ST3GAL2: variants seen among roughly 807,000 people sequenced by gnomAD.
ST3GAL2 encodes ST3 beta-galactoside alpha-2,3-sialyltransferase 2, also known as CMP-N-acetylneuraminate-beta-galactosamide-alpha-2,3-sialyltransferase 2.
Under a neutral mutation model 37.5 loss-of-function variants are expected in ST3GAL2, and 16 were observed. The ratio of observed to expected loss-of-function variants is 0.43; its 90% CI spans 0.29 to 0.65. The LOEUF is 0.65. Ranked by LOEUF, ST3GAL2 falls within the 30% of genes least tolerant of loss-of-function variation. The pLI, the probability that ST3GAL2 is intolerant of heterozygous loss-of-function variation, is 0.17. For missense variants in ST3GAL2, 383 were observed against 487.8 expected, an observed-to-expected ratio of 0.79 and a Z score of 2.02; for synonymous variants, 238 against 202.9, an observed-to-expected ratio of 1.17 and a Z score of -1.47.
At chr16:70,390,509 C>A (rs1220799465) in intron 3 of ST3GAL2, among the ~76,000 whole-genome samples, 4 of 152,216 alleles carry the variant, frequency 2.6e-5, no homozygotes, top group African/African-American at 9.6e-5. Flanking sequence ...GGCCCTGGGC[C>A]GGATGGAAGC....
chr16:70,415,267 C>T (rs1301685298), intron 1 of ST3GAL2, among the ~76,000 whole-genome samples: 1 of 151,962 alleles, frequency 6.6e-6, no homozygotes, highest in African/African-American at 2.4e-5. Context: ...CCCAGGACCA[C>T]CCCCCCGCCA....
At chr16:70,433,502 C>T (rs1281663124) in intron 1 of ST3GAL2, among the ~76,000 whole-genome samples, 2 of 152,140 alleles carry the variant, frequency 1.3e-5, no homozygotes, top group Non-Finnish European at 2.9e-5. Context: ...TGCGAGGGAA[C>T]TGCCCAACAT....
chr16:70,405,011 G>A (rs765863912), intron 1 of ST3GAL2, among the ~76,000 whole-genome samples: 84 of 141,732 alleles, frequency 5.9e-4, no homozygotes, highest in Middle Eastern at 4.0e-3. Context: ...CCAGCCTGGC[G>A]ACAGAGTGAG....
chr16:70,418,598 C>T (rs968463636), intron 1 of ST3GAL2, among the ~76,000 whole-genome samples: 1 of 152,190 alleles, frequency 6.6e-6, no homozygotes, highest in African/African-American at 2.4e-5. Context: ...AGCAGGACCA[C>T]GCTCCCTGCC....
In ST3GAL2 at chr16:70,377,195, A is replaced by AAC. The variant is rs897034690; in HGVS notation, c.*4493_*4494insGT. The AAC allele has an allele frequency of 1.3e-5, 2 of 150,118 alleles. No homozygotes were observed. The highest frequency in any genetic ancestry group is 4.9e-5 in the African/African-American group (2 of 40,826). 9.3% of individuals were successfully genotyped at this position (150,118 alleles called of 1,614,324 possible). A position where few individuals can be genotyped will look rare whatever the true frequency, so the allele number is the denominator to read the frequency against. On this transcript the variant is annotated 3_prime_UTR_variant, in exon 7 of 7. Transcript: ENST00000342907. ...CTGTCTCTTAAAAAAAAAAAAAAAAAAAAAAAAAGGGTCTGGTGGCTCACG... is the reference window on the plus strand; with the variant it reads ...CTGTCTCTTAAAAAAAAAAAAAAAAAACAAAAAAAAGGGTCTGGTGGCTCACG...
Position 70,398,820 on chromosome 16 carries a change from C to T in ST3GAL2, c.-290G>A, listed in dbSNP as rs946221051. The T allele has an allele frequency of 1.8e-6, 1 of 564,754 alleles. No homozygotes were observed. The allele number at this position is 564,754 out of a possible 1,614,324, so 35.0% of individuals were successfully genotyped here. On this transcript the variant is annotated 5_prime_UTR_variant, in exon 2 of 7. The change creates a new upstream start codon in the 5' untranslated region. Coordinates refer to ENST00000342907, the MANE Select transcript of ST3GAL2 (RefSeq NM_006927.4). ...CACAGAGGCTCTGCCTCTCCTGCCA[C>T]CCTGGTGAGGGGGAGGTCAGTCCAT... is the stretch of plus-strand genomic sequence containing the variant.
chr16:70,378,239 C>T lies in ST3GAL2; in HGVS notation c.*3450G>A, dbSNP rs2151652739. 6.6e-6 allele frequency: 1 copy of T among 152,062 alleles called. No individual in the cohort carries two copies. Among genetic ancestry groups the T allele is most frequent in the Non-Finnish European group, 1.5e-5 (1 of 68,026 alleles). The allele number at this position is 152,062 out of a possible 1,614,324, so 9.4% of individuals were successfully genotyped here. A position where few individuals can be genotyped will look rare whatever the true frequency, so the allele number is the denominator to read the frequency against. ...ACCAGCCTGGCCAACATGGTGAAAC[C>T]CCGTCTCTACTAAAAATACAAAAAT... On this transcript the variant is annotated 3_prime_UTR_variant, in exon 7 of 7. Transcript: ENST00000342907.
At chr16:70,433,987 C>T (rs774215318) in intron 1 of ST3GAL2, among the ~76,000 whole-genome samples, 3 of 152,220 alleles carry the variant, frequency 2.0e-5, no homozygotes, top group Non-Finnish European at 2.9e-5. Flanking sequence ...TCCCAAATGC[C>T]TTTTCTGAGC....
chr16:70,391,310 A>T (rs2151660248), intron 3 of ST3GAL2, among the ~76,000 whole-genome samples: 2 of 152,298 alleles, frequency 1.3e-5, no homozygotes, highest in Middle Eastern at 6.8e-3. Context: ...AGCTGGCTTC[A>T]AGCAGATGCC....
chr16:70,408,763 T>A (rs1332458882), intron 1 of ST3GAL2, among the ~76,000 whole-genome samples: 1 of 151,448 alleles, frequency 6.6e-6, no homozygotes, highest in Non-Finnish European at 1.5e-5. Context: ...CTAACACACT[T>A]CTTCAAACCA....
chr16:70,428,822 C>T (rs1168328630), intron 1 of ST3GAL2, among the ~76,000 whole-genome samples: 1 of 152,194 alleles, frequency 6.6e-6, no homozygotes, highest in Non-Finnish European at 1.5e-5. Flanking sequence ...GTGCGGCTGA[C>T]CCAGCGCCTC....
Position 70,381,799 on chromosome 16 carries a change from G to C in ST3GAL2, c.943C>G (p.Arg315Gly). The C allele has an allele frequency of 6.2e-7, 1 of 1,614,086 alleles. No individual in the cohort carries two copies. The highest frequency in any genetic ancestry group is 1.1e-5 in the South Asian group (1 of 91,090). The change falls in exon 7 of 7, where the codon CGG (arginine) becomes GGG (glycine). Residue 315 changes from arginine (R) to glycine (G), a missense_variant. Coordinates refer to ENST00000342907, the MANE Select transcript of ST3GAL2 (RefSeq NM_006927.4). ...GNWHHYWENN[R>G]YAGEFRKTGV... is the part of the protein sequence containing the mutation. ...GTCTTCCGGAACTCGCCCGCGTACC[G>C]GTTGTTCTCCCAGTAGTGGTGCCAG...
chr16:70,431,985 A>ATATATATTTTTTTTT (rs1454729972), intron 1 of ST3GAL2, among the ~76,000 whole-genome samples: 4 of 139,014 alleles, frequency 2.9e-5, no homozygotes, highest in African/African-American at 1.3e-4. Flanking sequence ...ATATATATAT[A>ATATATATTTTTTTTT]TTTTTTTTTA....
intron 1 of ST3GAL2, among the ~76,000 whole-genome samples, chr16:70,437,014 G>A (rs2047829837): frequency 1.3e-5 from 2 of 152,128 alleles, no homozygotes; most frequent in Non-Finnish European, 2.9e-5. Flanking sequence ...CTTAATCCCA[G>A]GTGCCTTCTC....
intron 1 of ST3GAL2, among the ~76,000 whole-genome samples, chr16:70,431,985 A>ATATTTTT (rs1454729972): frequency 1.4e-4 from 20 of 139,044 alleles, no homozygotes; most frequent in African/African-American, 6.4e-4. Context: ...ATATATATAT[A>ATATTTTT]TTTTTTTTTA....
At chr16:70,431,985 A>ATATATTTTT (rs1454729972) in intron 1 of ST3GAL2, among the ~76,000 whole-genome samples, 1,474 of 138,996 alleles carry the variant, frequency 0.011, 29 homozygotes, top group African/African-American at 0.043. Flanking sequence ...ATATATATAT[A>ATATATTTTT]TTTTTTTTTA....
chr16:70,427,998 C>A (rs542395473), intron 1 of ST3GAL2, among the ~76,000 whole-genome samples: 4 of 152,356 alleles, frequency 2.6e-5, no homozygotes, highest in African/African-American at 9.6e-5. Flanking sequence ...AACAGCCAGA[C>A]CTCCCAATGC....
intron 1 of ST3GAL2, among the ~76,000 whole-genome samples, chr16:70,423,918 C>T (rs1001547391): frequency 1.3e-5 from 2 of 151,476 alleles, no homozygotes; most frequent in Non-Finnish European, 2.9e-5. Context: ...ATTAGCCGGG[C>T]GTGGTGGCAA....
At chr16:70,428,421 C>G (rs1352957018) in intron 1 of ST3GAL2, among the ~76,000 whole-genome samples, 1 of 152,202 alleles carries the variant, frequency 6.6e-6, no homozygotes, top group Non-Finnish European at 1.5e-5. Context: ...ATCAGACTGA[C>G]CTTTGGCAGC....
Sources: gnomAD v4.1 joint callset for allele counts (sites outside exome capture counted in the v4.1 genomes callset) on GRCh38, gnomAD v4.1.1 for gene constraint, MANE v1.5 for transcripts, NCBI Gene and HGNC (gene_info 2026-07-23, HGNC 2026-07-21) for gene names.